The following ABR variants were observed in gnomAD, a reference collection of about 807,000 sequenced individuals.
ABR encodes active breakpoint cluster region-related protein.
In ABR, 35 loss-of-function variants were observed where a neutral mutation model predicts 107.2. That is an observed-to-expected ratio of 0.33 (90% CI 0.25 to 0.43). ABR has a LOEUF of 0.43. Ranked by LOEUF, ABR falls within the 20% of genes least tolerant of loss-of-function variation. The pLI is 1.00. For missense variants in ABR, 815 were observed against 1,115.2 expected, an observed-to-expected ratio of 0.73 and a Z score of 3.83; for synonymous variants, 498 against 462.0, an observed-to-expected ratio of 1.08 and a Z score of -1.00.
At chr17:1,028,712 G>A (rs988569868) in intron 16 of ABR, among the ~76,000 whole-genome samples, 1 of 152,194 alleles carries the variant, frequency 6.6e-6, no homozygotes, top group African/African-American at 2.4e-5. Context: ...TGTGCTTCAG[G>A]GCAGAGACAA....
intron 1 of ABR, among the ~76,000 whole-genome samples, chr17:1,144,795 G>A (rs942290484): frequency 6.6e-6 from 1 of 152,152 alleles, no homozygotes; most frequent in Non-Finnish European, 1.5e-5. Flanking sequence ...TTGGGAGGCC[G>A]GGGCGGGCAG....
intron 14 of ABR, among the ~76,000 whole-genome samples, chr17:1,054,570 G>C (rs1448112134): frequency 1.4e-3 from 151 of 108,578 alleles, no homozygotes; most frequent in African/African-American, 6.1e-3. Context: ...CAAAGAACCT[G>C]AGGGGATGGG....
chr17:1,090,636 A>C (rs1489791566), intron 4 of ABR, among the ~76,000 whole-genome samples: 2 of 152,150 alleles, frequency 1.3e-5, no homozygotes, highest in Non-Finnish European at 2.9e-5. Context: ...CTCTGAACAC[A>C]CTCAGCTAGA....
At chr17:1,223,269 A>G (rs1405146429) in intron 1 of ABR, among the ~76,000 whole-genome samples, 1 of 150,608 alleles carries the variant, frequency 6.6e-6, no homozygotes, top group Non-Finnish European at 1.5e-5. Context: ...AGCTACTCAG[A>G]AGACTCCATC....
chr17:1,171,214 T>A (rs2041699563), intron 1 of ABR, among the ~76,000 whole-genome samples: 1 of 152,184 alleles, frequency 6.6e-6, no homozygotes, highest in Admixed American at 6.5e-5. Flanking sequence ...ACTGGCTTAA[T>A]TACACGGCGT....
intron 1 of ABR, among the ~76,000 whole-genome samples, chr17:1,201,468 G>A (rs1410584169): frequency 6.6e-6 from 1 of 152,066 alleles, no homozygotes; most frequent in South Asian, 2.1e-4. Flanking sequence ...ACTTTTATGT[G>A]AGCGTGTATA....
intron 16 of ABR, among the ~76,000 whole-genome samples, chr17:1,031,234 C>T (rs369162909): frequency 2.0e-5 from 3 of 152,216 alleles, no homozygotes; most frequent in Admixed American, 2.0e-4. Flanking sequence ...GCAAGGCCCG[C>T]TGGATGCAGG....
At chr17:1,163,451 G>A (rs1330423094) in intron 1 of ABR, among the ~76,000 whole-genome samples, 1 of 152,168 alleles carries the variant, frequency 6.6e-6, no homozygotes, top group African/African-American at 2.4e-5. Context: ...GTGGGACCCT[G>A]GCGAAGTGTC....
Position 1,070,840 on chromosome 17 carries a change from C to T in ABR, c.895-750G>A, listed in dbSNP as rs888766508. On this transcript the variant is annotated intron_variant, in intron 8 of 22. Coordinates refer to ENST00000302538, the MANE Select transcript of ABR (RefSeq NM_021962.5). This position sits in a 1 kb window ranked among gnomAD's most constrained non-coding sequence, Gnocchi z 4.2. ...GGTGTGACCTACATCTGCTGTAATA[C>T]GTAGGTGAGCGTATTCAAAGTATAC... Among the ~76,000 whole-genome samples the T allele has an allele frequency of 3.3e-5, 5 of 152,122 alleles. No individual in the cohort carries two copies. Among genetic ancestry groups the T allele is most frequent in the Admixed American group, 2.0e-4 (3 of 15,270 alleles).
At position 1,111,168 on chromosome 17, in the gene ABR, G is replaced by A. The variant is rs545345594; in HGVS notation, c.247-10433C>T. Among the ~76,000 whole-genome samples, 369 of 152,236 alleles carry A rather than the reference G, an allele frequency of 2.4e-3. 6 individuals carry two copies. Among genetic ancestry groups the A allele is most frequent in the African/African-American group, 7.9e-3 (327 of 41,532 alleles). On this transcript the variant is annotated intron_variant, in intron 2 of 22. Transcript: ENST00000302538. ...GCTGTGTTCCTTCCTCCACTCAAGA[G>A]GACATGAGGTGCCCTTGGAAGTCTG...
chr17:1,166,077 C>T (rs938338865), intron 1 of ABR, among the ~76,000 whole-genome samples: 6 of 150,750 alleles, frequency 4.0e-5, no homozygotes, highest in Admixed American at 2.0e-4. Flanking sequence ...GGAGTGTCCG[C>T]ACCCACCCTC....
intron 16 of ABR, among the ~76,000 whole-genome samples, chr17:1,019,452 G>A (rs928976416): frequency 1.3e-5 from 2 of 151,248 alleles, no homozygotes; most frequent in Non-Finnish European, 2.9e-5. Flanking sequence ...GGTGCCTGCT[G>A]CAGGTGTGGC....
chr17:1,100,833 T>A (rs76508180), intron 2 of ABR, 98 bp from the exon 3 acceptor site: 2 of 1,187,818 alleles, frequency 1.7e-6, no homozygotes, highest in Non-Finnish European at 2.5e-6. Context: ...CGACCTTTAT[T>A]TTTTTTTTGA....
chr17:1,080,061 G>A (rs899071279), intron 5 of ABR, among the ~76,000 whole-genome samples: 1 of 152,002 alleles, frequency 6.6e-6, no homozygotes, highest in African/African-American at 2.4e-5. Flanking sequence ...GTTGACCAGC[G>A]CCAGGTACTC....
chr17:1,155,635 C>G (rs1234296958), intron 1 of ABR, among the ~76,000 whole-genome samples: 1 of 152,130 alleles, frequency 6.6e-6, no homozygotes, highest in East Asian at 1.9e-4. Context: ...GAAAACATAT[C>G]TAGACTATAT....
At position 1,005,333 on chromosome 17, in the gene ABR, C is replaced by T. The variant is rs189327731; in HGVS notation, c.*747G>A. ...AACCCCAGAAGTGGAGATTCCCAAACGGAAAATTCCAGAAATGGGCGCTCC... is the reference window on the plus strand; with the variant it reads ...AACCCCAGAAGTGGAGATTCCCAAATGGAAAATTCCAGAAATGGGCGCTCC... On this transcript the variant is annotated 3_prime_UTR_variant, in exon 23 of 23. Coordinates refer to ENST00000302538, the MANE Select transcript of ABR (RefSeq NM_021962.5). 1.3e-3 allele frequency: 515 copies of T among 395,390 alleles called. 4 individuals are homozygous for T. Among genetic ancestry groups the T allele is most frequent in the African/African-American group, 9.3e-3 (451 of 48,728 alleles). 24.5% of individuals were successfully genotyped at this position (395,390 alleles called of 1,614,324 possible). A position where few individuals can be genotyped will look rare whatever the true frequency, so the allele number is the denominator to read the frequency against.
chr17:1,096,970 G>A (rs936734669), intron 3 of ABR, among the ~76,000 whole-genome samples: 3 of 150,046 alleles, frequency 2.0e-5, no homozygotes, highest in African/African-American at 7.4e-5. Flanking sequence ...GCCGGGGAAG[G>A]GGGGAACCTG....
chr17:1,005,186 G>A lies in ABR; in HGVS notation c.*894C>T, dbSNP rs767472497. 20 of 398,590 alleles carry A rather than the reference G, an allele frequency of 5.0e-5. No individual in the cohort carries two copies. Among genetic ancestry groups the A allele is most frequent in the Non-Finnish European group, 8.4e-5 (19 of 226,160 alleles). 24.7% of individuals were successfully genotyped at this position (398,590 alleles called of 1,614,324 possible). A position where few individuals can be genotyped will look rare whatever the true frequency, so the allele number is the denominator to read the frequency against. On this transcript the variant is annotated 3_prime_UTR_variant, in exon 23 of 23. Coordinates refer to ENST00000302538, the MANE Select transcript of ABR (RefSeq NM_021962.5). ...TCTCTCCTGACCCTCTGGCTATCTC[G>A]ATAGCAGGTCACCTGTGAGTCTTTA...
At position 1,167,454 on chromosome 17, in the gene ABR, C is replaced by G. The variant is rs115890386; in HGVS notation, c.61+12213G>C. Among the ~76,000 whole-genome samples, 1,456 of 152,256 alleles carry G rather than the reference C, an allele frequency of 9.6e-3. 20 individuals are homozygous for G. The highest frequency in any genetic ancestry group is 0.032 in the African/African-American group (1,322 of 41,540). On this transcript the variant is annotated intron_variant, in intron 1 of 22. Transcript: ENST00000302538. The stretch of plus-strand genomic sequence containing the variant: ...CTGCTCGGTGCCTAGCTGGGTGTTG[C>G]GGGGAAGGGAGAACCACCATGGTGA...
Sources: gnomAD v4.1 joint callset for allele counts (sites outside exome capture counted in the v4.1 genomes callset) on GRCh38, gnomAD v4.1.1 for gene constraint, Gnocchi (gnomAD v3.1) non-coding constraint, MANE v1.5 for transcripts, NCBI Gene and HGNC (gene_info 2026-07-23, HGNC 2026-07-21) for gene names.